Variants in VPS51 observed in about 807,000 individuals in gnomAD.
VPS51 encodes the protein vacuolar protein sorting-associated protein 51 homolog.
Under a neutral mutation model 65.1 loss-of-function variants are expected in VPS51, and 55 were observed. The observed-to-expected ratio is 0.84, with a 90% confidence interval of 0.68 to 1.06. VPS51 has a LOEUF of 1.06. Ranked by LOEUF, VPS51 falls within the 50% of genes least tolerant of loss-of-function variation. The probability of loss-of-function intolerance (pLI) is 0.00; values close to 1 mark genes in which losing one functional copy is unlikely to be tolerated. For synonymous variants in VPS51, 473 were observed against 489.5 expected, an observed-to-expected ratio of 0.97 and a Z score of 0.44; for missense variants, 943 against 1,101.6, an observed-to-expected ratio of 0.86 and a Z score of 2.04.
At chr11:65,106,579 A>AG (rs1947843024) in intron 2 of VPS51, among the ~76,000 whole-genome samples, 2 of 152,052 alleles carry the variant, frequency 1.3e-5, no homozygotes, top group Non-Finnish European at 2.9e-5. Context: ...GTGAAACTCC[A>AG]TCTCTACTAA....
At chr11:65,099,525 G>T (rs973435307) in intron 2 of VPS51, among the ~76,000 whole-genome samples, 1 of 152,154 alleles carries the variant, frequency 6.6e-6, no homozygotes, top group Non-Finnish European at 1.5e-5. Flanking sequence ...TGAGCACAGT[G>T]GCTCATGCCT....
intron 2 of VPS51, among the ~76,000 whole-genome samples, chr11:65,097,838 CAG>C (rs1486460587): frequency 1.3e-5 from 2 of 151,784 alleles, no homozygotes; most frequent in East Asian, 3.9e-4. Context: ...ACTTGGGCAA[CAG>C]AGCAAGACCC....
rs769877193 is a variant in VPS51, at chr11:65,111,604, G to A, written c.*17G>A. On this transcript the variant is annotated 3_prime_UTR_variant, in exon 10 of 10. Coordinates refer to ENST00000279281, the MANE Select transcript of VPS51 (RefSeq NM_013265.4). ...CGCGGCTAGGCGCAGCCGCTGCCAT[G>A]CACCGGTCTGTCCCTGCACCCCATG... The A allele has an allele frequency of 8.8e-6, 14 of 1,594,354 alleles. No homozygotes were observed. In the South Asian group the frequency reaches 1.3e-4, roughly 15 times the overall value.
chr11:65,104,471 T>G (rs1196378376), intron 2 of VPS51, among the ~76,000 whole-genome samples: 1 of 152,222 alleles, frequency 6.6e-6, no homozygotes, highest in Non-Finnish European at 1.5e-5. Context: ...TGCTCATATG[T>G]TATTGAGAGT....
At chr11:65,097,169 C>T in intron 2 of VPS51, 42 bp downstream of exon 2, 1 of 1,611,912 alleles carries the variant, frequency 6.2e-7, no homozygotes, top group Admixed American at 1.7e-5. Flanking sequence ...CTCACAGCCC[C>T]CATTCTCCCA....
At chr11:65,101,518 C>A (rs117595559) in intron 2 of VPS51, among the ~76,000 whole-genome samples, 1 of 151,856 alleles carries the variant, frequency 6.6e-6, no homozygotes, top group Non-Finnish European at 1.5e-5. Context: ...CCTATAATCC[C>A]AACACTTTGT....
In VPS51 at chr11:65,108,333, G is replaced by T; in HGVS notation, c.862G>T (p.Glu288Ter). The T allele has an allele frequency of 6.2e-7, 1 of 1,611,036 alleles. No homozygotes were observed. Among genetic ancestry groups the T allele is most frequent in the Non-Finnish European group, 8.5e-7 (1 of 1,179,290 alleles). ...GRLEKELRNL[E>*]AELGPSPPAP... ...GCTGGAGAAGGAGCTGAGAAACCTGGAGGCCGAGCTGGGGCCCTCACCTCC... is the reference window on the plus strand; with the variant it reads ...GCTGGAGAAGGAGCTGAGAAACCTGTAGGCCGAGCTGGGGCCCTCACCTCC... The change falls in exon 5 of 10, where the codon GAG becomes TAG. Residue 288 changes from glutamate to a stop codon, truncating the protein, a stop_gained. Transcript: ENST00000279281. LOFTEE classifies it high-confidence loss of function.
At chr11:65,109,969 A>G (rs1156519523) in intron 7 of VPS51, 46 bp downstream of exon 7, 7 of 1,532,316 alleles carry the variant, frequency 4.6e-6, no homozygotes, top group Admixed American at 3.9e-5. Context: ...GGCTGGGGGT[A>G]CTGTCCCTTC....
At position 65,108,557 on chromosome 11, in the gene VPS51, T is replaced by C. The variant is rs562937919; in HGVS notation, c.1086T>C (p.Gly362=). 5 of 1,565,646 alleles carry C rather than the reference T, an allele frequency of 3.2e-6. No individual in the cohort carries two copies. The South Asian group carries it at 5.7e-5, about 18-fold the overall frequency. ...GGCGGCTGGCGCAGGAGCAGGGTGG[T>C]GGTGACAACTCACTGCTGGTGCGGG... ...VERRLAQEQG[G]GDNSLLVRAL... is the part of the protein sequence containing the mutation. Residue 362 remains glycine, a synonymous_variant, in exon 5 of 10, where the codon GGT becomes GGC. Transcript: ENST00000279281.
In VPS51 at chr11:65,107,798, C is replaced by G; in HGVS notation, c.506-5C>G. The G allele has an allele frequency of 6.3e-7, 1 of 1,591,778 alleles. No homozygotes were observed. The highest frequency in any genetic ancestry group is 8.5e-7 in the Non-Finnish European group (1 of 1,171,020). On this transcript the variant is annotated splice_polypyrimidine_tract_variant and splice_region_variant and intron_variant, in intron 3 of 9. Transcript: ENST00000279281. This position sits in a 1 kb window ranked among gnomAD's most constrained non-coding sequence, Gnocchi z 4.0. ...CTGGGGCTAACGTCACCCTCCGTCC[C>G]CCAGGGGTCCACGCGCTGCTGCGGA...
In VPS51 at chr11:65,110,591, G is replaced by A. The variant is rs200696699; in HGVS notation, c.1988G>A (p.Ser663Asn). ...CGGCAGCAGGGCCGCTACGCCCCCA[G>A]CTATACCCCCAGGTCTGGCTGGTCA... ...SSRQQGRYAP[S>N]YTPSAPMDTN... Residue 663 changes from serine (S) to asparagine (N), a missense_variant, in exon 8 of 10, where the codon AGC becomes AAC. By Grantham distance (46) the Ser-to-Asn change is conservative. Transcript: ENST00000279281. 3.2e-4 allele frequency: 521 copies of A among 1,614,050 alleles called. No individual in the cohort carries two copies. Among genetic ancestry groups the A allele is most frequent in the Non-Finnish European group, 4.2e-4 (501 of 1,180,030 alleles).
chr11:65,108,801 G>C lies in VPS51; in HGVS notation c.1330G>C (p.Glu444Gln). 1 of 1,612,866 alleles carries C rather than the reference G, an allele frequency of 6.2e-7. No homozygotes were observed. Among genetic ancestry groups the C allele is most frequent in the Non-Finnish European group, 8.5e-7 (1 of 1,179,986 alleles). The change falls in exon 5 of 10, where the codon GAG (glutamate) becomes CAG (glutamine). Residue 444 changes from glutamate (E) to glutamine (Q), a missense_variant. By Grantham distance (29) the Glu-to-Gln change is conservative. This residue lies in a region of VPS51 where 855 missense variants were observed against 953.7 expected (regional missense o/e 0.90). Coordinates refer to ENST00000279281, the MANE Select transcript of VPS51 (RefSeq NM_013265.4). ...VAGKEGPGLAELLANVASSIL... is the reference protein window; with the variant it reads ...VAGKEGPGLAQLLANVASSIL... ...TGGGAAGGAGGGCCCTGGCCTGGCC[G>C]AGTTGCTGGCCAATGTGGCCAGCTC...
chr11:65,102,803 G>A (rs1417173957), intron 2 of VPS51, among the ~76,000 whole-genome samples: 2 of 152,060 alleles, frequency 1.3e-5, no homozygotes, highest in African/African-American at 4.8e-5. Context: ...ACTGCATAGC[G>A]CTGCCTTTGC....
Position 65,110,095 on chromosome 11 carries a change from C to G in VPS51, c.1878+172C>G. 7 of 739,270 alleles carry G rather than the reference C, an allele frequency of 9.5e-6. No individual in the cohort carries two copies. The South Asian group carries it at 1.3e-4, about 14-fold the overall frequency. 45.8% of individuals were successfully genotyped at this position (739,270 alleles called of 1,614,324 possible). ...AGCCAGGGCGTCCGTGAGGGAACCC[C>G]AGGGGAACAAGTCTCCAAGGATGAA... On this transcript the variant is annotated intron_variant, in intron 7 of 9. Coordinates refer to ENST00000279281, the MANE Select transcript of VPS51 (RefSeq NM_013265.4).
intron 4 of VPS51, 38 bp from the exon 5 acceptor site, chr11:65,108,159 G>T: frequency 6.3e-7 from 1 of 1,585,486 alleles, no homozygotes; most frequent in Non-Finnish European, 8.5e-7. Context: ...TCCACCGGCA[G>T]CCCCGGCCCT....
intron 9 of VPS51, chr11:65,111,073 T>G (rs1044124821): frequency 4.2e-6 from 3 of 718,194 alleles, no homozygotes; most frequent in Non-Finnish European, 7.3e-6. Flanking sequence ...CCCCAGGGTT[T>G]TCTGTTCACC....
In VPS51 at chr11:65,108,289, T is replaced by C; in HGVS notation, c.818T>C (p.Leu273Pro). 6.2e-7 allele frequency: 1 copy of C among 1,602,772 alleles called. No individual in the cohort carries two copies. The stretch of plus-strand genomic sequence containing the variant: ...GCGGAGGAGCTGTGCGAGGAGTTCC[T>C]GGCGCACGCCCGCGGCCGGCTGGAG... ...EPAEELCEEFLAHARGRLEKE... is the reference protein window; with the variant it reads ...EPAEELCEEFPAHARGRLEKE... The change falls in exon 5 of 10, where the codon CTG becomes CCG. Residue 273 changes from leucine to proline, a missense_variant. By Grantham distance (98) the Leu-to-Pro change is moderately conservative. Transcript: ENST00000279281.
At chr11:65,097,163 C>A (rs1947777038) in intron 2 of VPS51, 36 bp downstream of exon 2, 4 of 1,612,630 alleles carry the variant, frequency 2.5e-6, no homozygotes, top group Non-Finnish European at 3.4e-6. Flanking sequence ...CAAAGTCTCA[C>A]AGCCCCCATT....
rs759274354 is a variant in VPS51 at position 65,096,498 on chromosome 11, G to A, written c.228+20G>A. 5 of 455,576 alleles carry A rather than the reference G, an allele frequency of 1.1e-5. No individual in the cohort carries two copies. The highest frequency in any genetic ancestry group is 1.3e-4 in the Admixed American group (1 of 7,982). 28.2% of individuals were successfully genotyped at this position (455,576 alleles called of 1,614,324 possible). On this transcript the variant is annotated intron_variant, in intron 1 of 9. Transcript: ENST00000279281. The stretch of plus-strand genomic sequence containing the variant: ...GACAAGGTGTGTGCGCACGGGGAGT[G>A]GGGGGGTGCGGGGAGGGGGGAAGGG...
Sources: gnomAD v4.1 joint callset for allele counts (sites outside exome capture counted in the v4.1 genomes callset) on GRCh38, gnomAD v4.1.1 for gene constraint, gnomAD v4.1.1 regional missense constraint, Gnocchi (gnomAD v3.1) non-coding constraint, MANE v1.5 for transcripts, NCBI Gene and HGNC (gene_info 2026-07-23, HGNC 2026-07-21) for gene names.